LCLAT1: variants seen among roughly 807,000 people sequenced by gnomAD.
The protein encoded by LCLAT1 is 1-AGP acyltransferase 8.
A neutral mutation model predicts 30.7 loss-of-function variants in LCLAT1; 11 were observed. The observed-to-expected ratio is 0.36, with a 90% CI of 0.23 to 0.59. LCLAT1 has a LOEUF of 0.59. Among genes scored for constraint, LCLAT1 ranks in the 20% least tolerant of loss-of-function variants. LCLAT1 has a pLI of 0.77. For synonymous variants in LCLAT1, 155 were observed against 151.3 expected (o/e 1.02, Z -0.18); for missense variants, 402 against 458.6 (o/e 0.88, Z 1.13).
intron 1 of LCLAT1, among the ~76,000 whole-genome samples, chr2:30,468,292 T>G (rs1682577340): frequency 6.6e-6 from 1 of 152,214 alleles, no homozygotes; most frequent in Admixed American, 6.5e-5. Flanking sequence ...TCTGTTCTGT[T>G]CCATTGGTCT....
At chr2:30,495,264 T>C (rs1240487823) in intron 1 of LCLAT1, among the ~76,000 whole-genome samples, 1 of 152,166 alleles carries the variant, frequency 6.6e-6, no homozygotes, top group Non-Finnish European at 1.5e-5. Flanking sequence ...TTTGTCTCAT[T>C]ATTTGTGTTC....
intron 1 of LCLAT1, among the ~76,000 whole-genome samples, chr2:30,461,420 T>C (rs961310903): frequency 6.6e-6 from 1 of 152,082 alleles, no homozygotes; most frequent in African/African-American, 2.4e-5. Context: ...TTTGTTGTTG[T>C]TGGTGTTTTG....
At chr2:30,478,072 A>T (rs1337450260) in intron 1 of LCLAT1, among the ~76,000 whole-genome samples, 1 of 140,992 alleles carries the variant, frequency 7.1e-6, no homozygotes, top group Admixed American at 7.1e-5. Context: ...TGAGGGATTA[A>T]AAAAAAAAAA....
chr2:30,603,619 A>T (rs1435207508), intron 5 of LCLAT1, among the ~76,000 whole-genome samples: 1 of 152,184 alleles, frequency 6.6e-6, no homozygotes, highest in African/African-American at 2.4e-5. Flanking sequence ...GATGTATTGT[A>T]ACAAAAGAGT....
intron 1 of LCLAT1, among the ~76,000 whole-genome samples, chr2:30,491,582 T>C (rs1052020369): frequency 3.3e-5 from 5 of 152,234 alleles, no homozygotes; most frequent in African/African-American, 1.2e-4. Context: ...TTTTGTATGG[T>C]AGTATGTGCA....
chr2:30,634,364 G>A (rs1572724323), intron 5 of LCLAT1, among the ~76,000 whole-genome samples: 2 of 152,154 alleles, frequency 1.3e-5, no homozygotes, highest in Non-Finnish European at 1.5e-5. Flanking sequence ...GGCGGCTCAC[G>A]CCTGTAATCC....
intron 1 of LCLAT1, among the ~76,000 whole-genome samples, chr2:30,524,679 A>T (rs763029243): frequency 3.3e-5 from 5 of 152,188 alleles, no homozygotes; most frequent in Admixed American, 6.5e-5. Flanking sequence ...TAGTCCCTTA[A>T]TAGCAGTTTC....
chr2:30,568,374 T>TA (rs1029138848), intron 5 of LCLAT1, among the ~76,000 whole-genome samples, 198 bp downstream of exon 5: 1 of 152,084 alleles, frequency 6.6e-6, no homozygotes. Context: ...GAGATCTCTG[T>TA]AAAAAATTCT....
At chr2:30,553,599 A>C (rs1038033283) in intron 3 of LCLAT1, among the ~76,000 whole-genome samples, 4 of 151,892 alleles carry the variant, frequency 2.6e-5, no homozygotes, top group Admixed American at 6.6e-5. Flanking sequence ...GTGGATCATG[A>C]GGTCAGGAGA....
At chr2:30,513,036 TTAG>T (rs1371233933) in intron 1 of LCLAT1, among the ~76,000 whole-genome samples, 3 of 152,158 alleles carry the variant, frequency 2.0e-5, no homozygotes, top group African/African-American at 4.8e-5. Flanking sequence ...ATTTACAGTC[TTAG>T]TAGCAGGATA....
intron 5 of LCLAT1, among the ~76,000 whole-genome samples, chr2:30,602,336 C>G (rs1177742892): frequency 6.6e-6 from 1 of 152,100 alleles, no homozygotes; most frequent in African/African-American, 2.4e-5. Context: ...AGTTATAGTT[C>G]ACTCCTTCTG....
intron 1 of LCLAT1, among the ~76,000 whole-genome samples, chr2:30,467,857 A>G (rs1682529059): frequency 6.6e-6 from 1 of 152,216 alleles, no homozygotes; most frequent in Non-Finnish European, 1.5e-5. Context: ...TCAGATGAGT[A>G]GATGGCAAAA....
intron 3 of LCLAT1, among the ~76,000 whole-genome samples, chr2:30,536,057 G>A (rs1308704612): frequency 6.6e-6 from 1 of 151,934 alleles, no homozygotes; most frequent in African/African-American, 2.4e-5. Flanking sequence ...AGATCAAGCA[G>A]AAGAAAGAAT....
intron 5 of LCLAT1, among the ~76,000 whole-genome samples, chr2:30,586,198 C>T (rs1288838532): frequency 6.7e-6 from 1 of 148,640 alleles, no homozygotes; most frequent in Non-Finnish European, 1.5e-5. Context: ...GCCGAGATCG[C>T]GCCACTGCAC....
chr2:30,451,656 G>T (rs1404466733), intron 1 of LCLAT1, among the ~76,000 whole-genome samples: 5 of 117,342 alleles, frequency 4.3e-5, no homozygotes, highest in Non-Finnish European at 9.5e-5. Context: ...GCAGTAGAAT[G>T]GATGAGTAAA....
At chr2:30,624,269 A>G (rs1668402220) in intron 5 of LCLAT1, among the ~76,000 whole-genome samples, 1 of 152,244 alleles carries the variant, frequency 6.6e-6, no homozygotes, top group South Asian at 2.1e-4. Flanking sequence ...TTCACATCTC[A>G]GTACTAACAT....
chr2:30,474,741 TG>T (rs1395497453), intron 1 of LCLAT1, among the ~76,000 whole-genome samples: 1 of 151,446 alleles, frequency 6.6e-6, no homozygotes. Flanking sequence ...CTTGACCTCC[TG>T]GGCTCAAGTG....
chr2:30,586,262 A>AAC (rs1558537135), intron 5 of LCLAT1, among the ~76,000 whole-genome samples: 1 of 148,960 alleles, frequency 6.7e-6, no homozygotes, highest in African/African-American at 2.5e-5. Flanking sequence ...AAAAAAAAAA[A>AAC]CCCAGTAGGA....
intron 1 of LCLAT1, among the ~76,000 whole-genome samples, chr2:30,523,124 A>T (rs1450127255): frequency 2.0e-5 from 3 of 151,870 alleles, no homozygotes; most frequent in Non-Finnish European, 4.4e-5. Flanking sequence ...CTAGCTAATC[A>T]CTAATTGGCA....
Sources: gnomAD v4.1 joint callset for allele counts (sites outside exome capture counted in the v4.1 genomes callset) on GRCh38, gnomAD v4.1.1 for gene constraint, MANE v1.5 for transcripts, NCBI Gene and HGNC (gene_info 2026-07-23, HGNC 2026-07-21) for gene names.